The following ATP2B4 variants were observed in gnomAD, a reference collection of about 807,000 sequenced individuals.
ATP2B4 encodes the protein plasma membrane calcium-transporting ATPase 4.
A neutral mutation model predicts 110.3 loss-of-function variants in ATP2B4; 39 were observed. The observed-to-expected ratio is 0.35, with a 90% CI of 0.27 to 0.46. ATP2B4 has a LOEUF of 0.46. ATP2B4 is among the 20% of genes least tolerant of loss of function. ATP2B4 has a pLI of 1.00. For synonymous variants in ATP2B4, 538 were observed against 571.7 expected (o/e 0.94, Z 0.84); for missense variants, 1,135 against 1,530.9 (o/e 0.74, Z 4.32).
chr1:203,729,620 G>A (rs770006945), intron 20 of ATP2B4: 1 of 790,662 alleles, frequency 1.3e-6, no homozygotes, highest in Non-Finnish European at 2.0e-6. Flanking sequence ...CCAGGCAGGT[G>A]CTTTTTCTGT....
At chr1:203,641,551 T>C (rs1558011533) in intron 1 of ATP2B4, among the ~76,000 whole-genome samples, 1 of 152,330 alleles carries the variant, frequency 6.6e-6, no homozygotes, top group East Asian at 1.9e-4. Context: ...TCCCAGAATC[T>C]GTGGATTCAG....
At chr1:203,733,277 C>T (rs770474884) in intron 20 of ATP2B4, 15 of 1,613,930 alleles carry the variant, frequency 9.3e-6, no homozygotes, top group Non-Finnish European at 1.3e-5. Context: ...AGTCCTAAGG[C>T]GACAGAACAT....
At position 203,708,075 on chromosome 1, in the gene ATP2B4, A is replaced by G; in HGVS notation, c.1528A>G (p.Ile510Val). The change falls in exon 10 of 21, where the codon ATC (isoleucine) becomes GTC (valine). Residue 510 changes from isoleucine (I) to valine (V), a missense_variant. By Grantham distance (29) the Ile-to-Val change is conservative. Around this residue, in one of 9 missense-constraint regions of ATP2B4, gnomAD observed 368 missense variants for 455.9 expected, o/e 0.81. Transcript: ENST00000357681. ...VLDLIVNGIS[I>V]NSAYTSKILP... ...GGACCTCATTGTCAATGGCATTTCT[A>G]TCAACAGTGCTTATACCTCCAAGAT... is the stretch of plus-strand genomic sequence containing the variant. 1 of 1,614,188 alleles carries G rather than the reference A, an allele frequency of 6.2e-7. No individual in the cohort carries two copies. The highest frequency in any genetic ancestry group is 8.5e-7 in the Non-Finnish European group (1 of 1,180,032).
At chr1:203,735,002 CAAAA>C (rs35552196) in intron 20 of ATP2B4, among the ~76,000 whole-genome samples, 7 of 57,132 alleles carry the variant, frequency 1.2e-4, no homozygotes, top group East Asian at 1.2e-3. Context: ...GACTCCATCT[CAAAA>C]AAAAAAAAAA....
chr1:203,689,432 C>A (rs1161655025), intron 2 of ATP2B4, among the ~76,000 whole-genome samples: 2 of 152,120 alleles, frequency 1.3e-5, no homozygotes, highest in African/African-American at 4.8e-5. Flanking sequence ...AAGGTCTGGG[C>A]CCAGAACAGA....
rs1485033705 is a variant in ATP2B4 at position 203,683,223 on chromosome 1, C to A, written c.18C>A (p.Asp6Glu). Residue 6 changes from aspartate to glutamate, a missense_variant, in exon 2 of 21, where the codon GAC becomes GAA. Asp to Glu is a conservative substitution (Grantham distance 45). Coordinates refer to ENST00000357681, the MANE Select transcript of ATP2B4 (RefSeq NM_001684.5). ...CAGGCAAAATGACGAACCCATCAGA[C>A]CGTGTCTTGCCTGCCAACTCGATGG... MTNPS[D>E]RVLPANSMAE... is the part of the protein sequence containing the mutation. The A allele has an allele frequency of 6.2e-7, 1 of 1,614,022 alleles. No individual in the cohort carries two copies. The highest frequency in any genetic ancestry group is 1.7e-5 in the Admixed American group (1 of 60,016).
chr1:203,741,932 C>T lies in ATP2B4; in HGVS notation c.*2078C>T, dbSNP rs1241845655. The T allele has an allele frequency of 6.6e-6, 1 of 152,548 alleles. No individual in the cohort carries two copies. The highest frequency in any genetic ancestry group is 1.5e-5 in the Non-Finnish European group (1 of 68,028). 9.4% of individuals were successfully genotyped at this position (152,548 alleles called of 1,614,324 possible). A position where few individuals can be genotyped will look rare whatever the true frequency, so the allele number is the denominator to read the frequency against. ...CCTCAGATCATTTTAAATAGCAAGC[C>T]AATAACGAGCTTTGAAGGCTATTTT... is the stretch of plus-strand genomic sequence containing the variant. On this transcript the variant is annotated 3_prime_UTR_variant, in exon 21 of 21. Transcript: ENST00000357681.
At chr1:203,722,385 C>G (rs1032836635) in intron 17 of ATP2B4, 93 bp from the exon 18 acceptor site, 34 of 991,184 alleles carry the variant, frequency 3.4e-5, no homozygotes, top group Non-Finnish European at 5.3e-5. Context: ...AGAATGGACA[C>G]CAGCCATAAG....
rs745307587 is a variant in ATP2B4 at position 203,733,373 on chromosome 1, C to T, written c.3309+5802C>T. On this transcript the variant is annotated intron_variant, in intron 20 of 20. Transcript: ENST00000357681. ...CAAATCTTCCCCCACCACTTCTGTT[C>T]CTGCTGTTTCATCTCCTCCTATGGG... The T allele has an allele frequency of 6.2e-7, 1 of 1,613,974 alleles. No individual in the cohort carries two copies. Among genetic ancestry groups the T allele is most frequent in the South Asian group, 1.1e-5 (1 of 91,062 alleles).
chr1:203,681,707 CT>C (rs1665019329), intron 1 of ATP2B4, among the ~76,000 whole-genome samples: 1 of 152,084 alleles, frequency 6.6e-6, no homozygotes, highest in African/African-American at 2.4e-5. Context: ...GGTAATGCAT[CT>C]TTCTGAGGGG....
Position 203,719,311 on chromosome 1 carries a change from C to T in ATP2B4, c.2407-1238C>T, listed in dbSNP as rs558253390. Among the ~76,000 whole-genome samples, 61 of 145,988 alleles carry T rather than the reference C, an allele frequency of 4.2e-4. 1 individual carries two copies. Among genetic ancestry groups the T allele is most frequent in the African/African-American group, 1.1e-3 (45 of 40,156 alleles). On this transcript the variant is annotated intron_variant, in intron 15 of 20. Transcript: ENST00000357681. ...AAAACAAGGTATATTCATACAAATC[C>T]GGCTTCCACCCTCATTGCCTTTGCC...
At chr1:203,635,011 G>A (rs1201440302) in intron 1 of ATP2B4, among the ~76,000 whole-genome samples, 1 of 151,738 alleles carries the variant, frequency 6.6e-6, no homozygotes, top group African/African-American at 2.4e-5. Context: ...TTTTGCTCTT[G>A]TTGCCCAGGC....
intron 1 of ATP2B4, among the ~76,000 whole-genome samples, chr1:203,671,563 G>A (rs920057082): frequency 7.9e-5 from 12 of 151,986 alleles, no homozygotes; most frequent in African/African-American, 2.2e-4. Context: ...TACTTCCATC[G>A]AATAGATGCA....
intron 19 of ATP2B4, among the ~76,000 whole-genome samples, chr1:203,725,904 C>CTTTTTTTTTTTTTTTTTTTTTTTTTTT: frequency 1.1e-5 from 1 of 93,382 alleles, no homozygotes; most frequent in Non-Finnish European, 2.0e-5. Context: ...CTTTTCTTTT[C>CTTTTTTTTTTTTTTTTTTTTTTTTTTT]TTTTTTTTTT....
rs753263593 is a variant in ATP2B4, at chr1:203,739,847, C to G, written c.3611C>G (p.Ser1204Ter). The stretch of plus-strand genomic sequence containing the variant: ...AGCTCTCTACAGAGCCTAGAGACAT[C>G]AGTTTGAATTTTCTTTCTCTGACTC... ...SDSSLQSLET[S>*]V is the part of the protein sequence containing the mutation. The change falls in exon 21 of 21, where the codon TCA (serine) becomes TGA (stop). Residue 1204 changes from serine (S) to a stop codon, truncating the protein, a stop_gained. Coordinates refer to ENST00000357681, the MANE Select transcript of ATP2B4 (RefSeq NM_001684.5). LOFTEE classifies it high-confidence loss of function. 6.2e-7 allele frequency: 1 copy of G among 1,604,060 alleles called. No individual in the cohort carries two copies. The highest frequency in any genetic ancestry group is 8.5e-7 in the Non-Finnish European group (1 of 1,174,142).
chr1:203,641,805 A>G (rs1663638899), intron 1 of ATP2B4, among the ~76,000 whole-genome samples: 1 of 152,182 alleles, frequency 6.6e-6, no homozygotes, highest in Non-Finnish European at 1.5e-5. Context: ...TACACAAAAA[A>G]AGGTTATTTA....
In ATP2B4 at chr1:203,663,003, TC is replaced by T. The variant is rs556945540; in HGVS notation, c.-464-19737del. 9.8e-5 allele frequency among the ~76,000 whole-genome samples: 15 copies of T among 152,358 alleles called. No homozygotes were observed. The East Asian group carries it at 2.9e-3, about 29-fold the overall frequency. Reference sequence around the variant, plus strand: ...GCCAGAACCTTGCATTTGCTTGCCTTCCTAGGGAAAGACCCTATTGTTAACC... The same window carrying T: ...GCCAGAACCTTGCATTTGCTTGCCTTCTAGGGAAAGACCCTATTGTTAACC... On this transcript the variant is annotated intron_variant, in intron 1 of 20. Transcript: ENST00000357681.
At position 203,703,744 on chromosome 1, in the gene ATP2B4, G is replaced by T; in HGVS notation, c.1030G>T (p.Val344Leu). 1 of 1,614,188 alleles carries T rather than the reference G, an allele frequency of 6.2e-7. No homozygotes were observed. The highest frequency in any genetic ancestry group is 8.5e-7 in the Non-Finnish European group (1 of 1,180,018). Residue 344 changes from valine (V) to leucine (L), a missense_variant, in exon 8 of 21, where the codon GTG becomes TTG. By Grantham distance (32) the Val-to-Leu change is conservative. Transcript: ENST00000357681. ...NEEKDKKAVK[V>L]PKKEKSVLQG... is the part of the protein sequence containing the mutation. ...GGAAAAGGACAAGAAGGCAGTCAAG[G>T]TGCCTAAAAAGGAGAAGTCAGTGCT...
chr1:203,721,310 C>T lies in ATP2B4; in HGVS notation c.2712C>T (p.Pro904=), dbSNP rs149066189. ...PPTESLLKRR[P]YGRNKPLISR... ...CGGAATCTCTGTTGAAGCGGCGCCC[C>T]TATGGCCGAAATAAGCCTCTGATCT... The change falls in exon 17 of 21, where the codon CCC becomes CCT. Residue 904 remains proline, a synonymous_variant. Coordinates refer to ENST00000357681, the MANE Select transcript of ATP2B4 (RefSeq NM_001684.5). 335 of 1,614,066 alleles carry T rather than the reference C, an allele frequency of 2.1e-4. 1 individual carries two copies. The highest frequency in any genetic ancestry group is 4.9e-4 in the Middle Eastern group (3 of 6,084).
Sources: gnomAD v4.1 joint callset for allele counts (sites outside exome capture counted in the v4.1 genomes callset) on GRCh38, gnomAD v4.1.1 for gene constraint, gnomAD v4.1.1 regional missense constraint, MANE v1.5 for transcripts, NCBI Gene and HGNC (gene_info 2026-07-23, HGNC 2026-07-21) for gene names.